Variants in KAT6B observed in about 807,000 individuals in gnomAD.
KAT6B encodes histone acetyltransferase KAT6B.
In KAT6B, 10 loss-of-function variants were observed where a neutral mutation model predicts 187.5. The ratio of observed to expected loss-of-function variants is 0.05; its 90% CI spans 0.03 to 0.09. KAT6B has a LOEUF of 0.09. KAT6B is among the 10% of genes least tolerant of loss of function. The pLI is 1.00. For synonymous variants in KAT6B, 861 were observed against 926.8 expected (o/e 0.93, Z 1.29); for missense variants, 1,952 against 2,558.9 (o/e 0.76, Z 5.12).
chr10:74,924,042 AGT>A (rs1848323435), intron 3 of KAT6B, among the ~76,000 whole-genome samples: 2 of 152,164 alleles, frequency 1.3e-5, no homozygotes, highest in African/African-American at 4.8e-5. Flanking sequence ...CTTGATGCAG[AGT>A]GTTAGAAAAA....
At chr10:74,826,127 AG>A (rs1259942029), upstream of KAT6B, among the ~76,000 whole-genome samples, 4 of 78,432 alleles carry the variant, frequency 5.1e-5, no homozygotes, top group Non-Finnish European at 7.5e-5. Context: ...GCTGCGGGCT[AG>A]GGGGTTTGGG....
chr10:74,974,030 C>T (rs1842007027), intron 7 of KAT6B, among the ~76,000 whole-genome samples: 1 of 152,158 alleles, frequency 6.6e-6, no homozygotes, highest in African/African-American at 2.4e-5. Context: ...TTTTTACATG[C>T]TTTATAAGCA....
intron 13 of KAT6B, among the ~76,000 whole-genome samples, chr10:75,008,312 T>TTCC (rs1366254394): frequency 6.6e-6 from 1 of 152,188 alleles, no homozygotes; most frequent in Admixed American, 6.5e-5. Flanking sequence ...AAATTGCTCT[T>TTCC]TCCTCCTCCT....
At chr10:74,831,038 C>G (rs1018551648) in intron 1 of KAT6B, among the ~76,000 whole-genome samples, 2 of 151,896 alleles carry the variant, frequency 1.3e-5, no homozygotes, top group African/African-American at 4.8e-5. Flanking sequence ...ACCCGCCCGT[C>G]TTGGCCTCCC....
chr10:75,019,971 G>A (rs570817804), intron 13 of KAT6B, among the ~76,000 whole-genome samples: 51 of 152,292 alleles, frequency 3.3e-4, no homozygotes, highest in African/African-American at 1.2e-3. Context: ...TATGAAAGAG[G>A]TGAAAATGGA....
chr10:74,909,564 C>T (rs1224345411), intron 3 of KAT6B, among the ~76,000 whole-genome samples: 3 of 152,202 alleles, frequency 2.0e-5, no homozygotes, highest in Non-Finnish European at 2.9e-5. Context: ...TTCCTTTGTG[C>T]ATAAGCTCCA....
In KAT6B at chr10:75,029,384, C is replaced by T; in HGVS notation, c.4560C>T (p.Ser1520=). ...EQAQKQDQKN[S]KEVDTEFKEG... ...CACAGAAGCAGGACCAAAAGAACAG[C>T]AAGGAAGTCGATACAGAGTTCAAAG... The change falls in exon 18 of 18, where the codon AGC becomes AGT. Residue 1520 remains serine, a synonymous_variant. Transcript: ENST00000287239. The surrounding 1 kb of genome is among the most constrained non-coding windows in gnomAD (Gnocchi z 6.2). 6.2e-7 allele frequency: 1 copy of T among 1,614,032 alleles called. No individual in the cohort carries two copies. Among genetic ancestry groups the T allele is most frequent in the Non-Finnish European group, 8.5e-7 (1 of 1,180,012 alleles).
intron 3 of KAT6B, among the ~76,000 whole-genome samples, chr10:74,949,202 G>A (rs1260716819): frequency 6.6e-6 from 1 of 152,196 alleles, no homozygotes; most frequent in Non-Finnish European, 1.5e-5. Context: ...CAGACTTCCT[G>A]TAACCATGTG....
In KAT6B at chr10:74,843,169, T is replaced by G. The variant is rs775284426; in HGVS notation, c.312T>G (p.Asn104Lys). The G allele has an allele frequency of 6.2e-7, 1 of 1,614,184 alleles. No homozygotes were observed. Among genetic ancestry groups the G allele is most frequent in the Non-Finnish European group, 8.5e-7 (1 of 1,180,030 alleles). Residue 104 changes from asparagine (N) to lysine (K), a missense_variant, in exon 3 of 18, where the codon AAT (asparagine) becomes AAG (lysine). Asn to Lys is a moderately conservative substitution (Grantham distance 94). This residue lies in a region of KAT6B where 218 missense variants were observed against 282.6 expected (regional missense o/e 0.77). Transcript: ENST00000287239. ...GSRGSCNDLR[N>K]VDWNKLLRRA... is the part of the protein sequence containing the mutation. The stretch of plus-strand genomic sequence containing the variant: ...GAGGATCATGTAATGATCTCCGCAA[T>G]GTGGATTGGAATAAACTTTTAAGGA...
intron 4 of KAT6B, among the ~76,000 whole-genome samples, chr10:74,962,427 A>G (rs1841166235): frequency 6.6e-6 from 1 of 152,130 alleles, no homozygotes; most frequent in Admixed American, 6.5e-5. Context: ...GGAATTACAG[A>G]TTAGTTGGGA....
chr10:75,020,001 G>A (rs1031764168), intron 13 of KAT6B, among the ~76,000 whole-genome samples: 7 of 152,184 alleles, frequency 4.6e-5, no homozygotes, highest in African/African-American at 1.7e-4. Context: ...GCTGATGGGA[G>A]TTGCAGCAGT....
chr10:74,991,316 G>A (rs1383082796), intron 13 of KAT6B, among the ~76,000 whole-genome samples: 1 of 152,024 alleles, frequency 6.6e-6, no homozygotes, highest in Non-Finnish European at 1.5e-5. Context: ...CACAATCATT[G>A]TCTACCTAAA....
At chr10:74,966,535 T>G (rs1343295166) in intron 4 of KAT6B, among the ~76,000 whole-genome samples, 2 of 152,244 alleles carry the variant, frequency 1.3e-5, no homozygotes, top group Non-Finnish European at 2.9e-5. Context: ...TTGTTTAATT[T>G]TAAATAGTAT....
chr10:74,928,396 T>C (rs1848645305), intron 3 of KAT6B, among the ~76,000 whole-genome samples: 1 of 152,196 alleles, frequency 6.6e-6, no homozygotes, highest in South Asian at 2.1e-4. Context: ...GATTTATGCA[T>C]GTGAAACAGA....
intron 1 of KAT6B, among the ~76,000 whole-genome samples, chr10:74,828,990 A>G (rs113768531): frequency 0.025 from 3,798 of 150,444 alleles, 161 homozygotes; most frequent in African/African-American, 0.087. Context: ...TAAAGGTTGG[A>G]GTGGTGAAGT....
In KAT6B at chr10:75,030,210, G is replaced by C. The variant is rs201792033; in HGVS notation, c.5386G>C (p.Glu1796Gln). 2 of 1,614,136 alleles carry C rather than the reference G, an allele frequency of 1.2e-6. No individual in the cohort carries two copies. The highest frequency in any genetic ancestry group is 2.2e-5 in the South Asian group (2 of 91,072). The change falls in exon 18 of 18, where the codon GAG becomes CAG. Residue 1796 changes from glutamate (E) to glutamine (Q), a missense_variant. Glu to Gln is a conservative substitution (Grantham distance 29, BLOSUM62 2). Transcript: ENST00000287239. This position sits in a 1 kb window ranked among gnomAD's most constrained non-coding sequence, Gnocchi z 4.8. ...ETSNANIGLY[E>Q]RMGQSDFGAG... ...GAGCAACGCCAACATTGGCTTATAC[G>C]AGCGAATGGGTCAGAGTGATTTTGG...
chr10:74,914,237 G>A (rs1486134286), intron 3 of KAT6B, among the ~76,000 whole-genome samples: 1 of 151,794 alleles, frequency 6.6e-6, no homozygotes. Flanking sequence ...TAAGTCCATA[G>A]CATTTTGTTC....
chr10:74,835,935 A>G (rs942304300), intron 1 of KAT6B, among the ~76,000 whole-genome samples: 1 of 152,174 alleles, frequency 6.6e-6, no homozygotes, highest in Non-Finnish European at 1.5e-5. Flanking sequence ...GTTCCAAAAC[A>G]TTTTTATTGA....
At chr10:74,942,140 A>AT (rs1849715036) in intron 3 of KAT6B, among the ~76,000 whole-genome samples, 1 of 152,170 alleles carries the variant, frequency 6.6e-6, no homozygotes, top group Non-Finnish European at 1.5e-5. Context: ...ACAGAGTGAG[A>AT]TTTTGTCTCA....
Sources: gnomAD v4.1 joint callset for allele counts (sites outside exome capture counted in the v4.1 genomes callset) on GRCh38, gnomAD v4.1.1 for gene constraint, gnomAD v4.1.1 regional missense constraint, Gnocchi (gnomAD v3.1) non-coding constraint, MANE v1.5 for transcripts, NCBI Gene and HGNC (gene_info 2026-07-23, HGNC 2026-07-21) for gene names.